Variants in RNF111 observed in about 807,000 individuals in gnomAD.
The protein encoded by RNF111 is E3 ubiquitin-protein ligase Arkadia.
A neutral mutation model predicts 95.1 loss-of-function variants in RNF111; 17 were observed. The observed-to-expected ratio is 0.18, with a 90% CI of 0.12 to 0.27. The LOEUF (loss-of-function observed/expected upper bound fraction) is 0.27, where lower values mean the gene tolerates loss of function less well. RNF111 is among the 10% of genes least tolerant of loss of function. The pLI is 1.00. For synonymous variants in RNF111, 440 were observed against 414.8 expected, an observed-to-expected ratio of 1.06 and a Z score of -0.74; for missense variants, 1,189 against 1,210.4, an observed-to-expected ratio of 0.98 and a Z score of 0.26.
chr15:59,026,196 G>A (rs546874414), intron 1 of RNF111, among the ~76,000 whole-genome samples: 1 of 152,220 alleles, frequency 6.6e-6, no homozygotes, highest in East Asian at 1.9e-4. Context: ...GAGTTGTATG[G>A]ATAGTCTTAA....
In RNF111 at chr15:59,079,633, T is replaced by G. The variant is rs548477002; in HGVS notation, c.1949-1303T>G. Among the ~76,000 whole-genome samples the G allele has an allele frequency of 3.8e-4, 57 of 151,408 alleles. 1 individual carries two copies. Among genetic ancestry groups the G allele is most frequent in the Non-Finnish European group, 6.3e-4 (43 of 67,928 alleles). On this transcript the variant is annotated intron_variant, in intron 7 of 13. Transcript: ENST00000348370. ...AGAACATCTTCCAATAAAATGAAAT[T>G]TGTATTGAAATCTAAGACAAACTTT...
chr15:59,041,961 A>ATTTTTTTTTTTTTT (rs79347638), intron 2 of RNF111, among the ~76,000 whole-genome samples: 2 of 100,104 alleles, frequency 2.0e-5, no homozygotes, highest in Admixed American at 1.0e-4. Context: ...GTCTGTTCAT[A>ATTTTTTTTTTTTTT]TTTTTTTTTT....
chr15:59,090,310 A>G (rs962807016), intron 11 of RNF111, among the ~76,000 whole-genome samples: 2 of 152,144 alleles, frequency 1.3e-5, no homozygotes, highest in Non-Finnish European at 1.5e-5. Flanking sequence ...GCTCACTGCA[A>G]CCTGCGCCTC....
intron 6 of RNF111, among the ~76,000 whole-genome samples, chr15:59,071,071 G>A (rs1338360027): frequency 6.6e-6 from 1 of 152,116 alleles, no homozygotes; most frequent in Non-Finnish European, 1.5e-5. Context: ...GCTGAGGCAG[G>A]CGGATCATGA....
intron 2 of RNF111, among the ~76,000 whole-genome samples, chr15:59,044,106 C>T (rs2041597308): frequency 6.6e-6 from 1 of 152,166 alleles, no homozygotes; most frequent in Non-Finnish European, 1.5e-5. Flanking sequence ...TCTCGGCTCA[C>T]TGCAACCCCC....
chr15:59,060,859 T>A (rs927540824), intron 5 of RNF111, among the ~76,000 whole-genome samples: 44 of 151,848 alleles, frequency 2.9e-4, no homozygotes, highest in African/African-American at 9.7e-4. Context: ...CTGTGTGCAG[T>A]GGCACAATCT....
chr15:58,994,063 A>G (rs1302827106), intron 1 of RNF111, among the ~76,000 whole-genome samples: 5 of 112,404 alleles, frequency 4.4e-5, no homozygotes, highest in Admixed American at 2.2e-4. Flanking sequence ...TTTTTAATGG[A>G]GTCTCACTCT....
In RNF111 at chr15:59,031,440, G is replaced by A. The variant is rs1456753351; in HGVS notation, c.618G>A (p.Ser206=). 6.2e-6 allele frequency: 10 copies of A among 1,614,096 alleles called. No homozygotes were observed. Among genetic ancestry groups the A allele is most frequent in the African/African-American group, 2.7e-5 (2 of 74,928 alleles). The change falls in exon 2 of 14, where the codon TCG becomes TCA. Residue 206 remains serine, a synonymous_variant. Transcript: ENST00000348370. ...LMKRPCLHGS[S]LRRLPCRKRF... is the part of the protein sequence containing the mutation. ...AAAGACCCTGTTTACATGGCAGTTCGTTACGGAGACTTCCATGCAGAAAGA... is the reference window on the plus strand; with the variant it reads ...AAAGACCCTGTTTACATGGCAGTTCATTACGGAGACTTCCATGCAGAAAGA...
At chr15:59,075,648 A>G (rs1325873747) in intron 6 of RNF111, among the ~76,000 whole-genome samples, 2 of 152,230 alleles carry the variant, frequency 1.3e-5, no homozygotes, top group African/African-American at 4.8e-5. Context: ...TGTATTTGTT[A>G]TAAGACAAAA....
At position 59,069,073 on chromosome 15, in the gene RNF111, CAAA is replaced by C. The variant is rs397853868; in HGVS notation, c.1686+2008_1686+2010del. Among the ~76,000 whole-genome samples the C allele has an allele frequency of 9.5e-3, 848 of 89,462 alleles. 5 individuals carry two copies. The highest frequency in any genetic ancestry group is 0.032 in the African/African-American group (770 of 23,868). The allele number at this position is 89,462 out of a possible 152,430, so 58.7% of individuals were successfully genotyped here. ...TTGGCGACAGAACAAGACTCCGTCT[CAAA>C]AAAAAAAAAAAAAAAAAGGAGTTGT... On this transcript the variant is annotated intron_variant, in intron 6 of 13. Coordinates refer to ENST00000348370, the MANE Select transcript of RNF111 (RefSeq NM_017610.8).
At chr15:59,025,699 TAG>T (rs2040566378) in intron 1 of RNF111, among the ~76,000 whole-genome samples, 1 of 152,096 alleles carries the variant, frequency 6.6e-6, no homozygotes, top group African/African-American at 2.4e-5. Flanking sequence ...AAAACTTTTG[TAG>T]AAAAATGCCA....
chr15:59,058,979 C>G (rs1295648815), intron 5 of RNF111, among the ~76,000 whole-genome samples: 1 of 152,136 alleles, frequency 6.6e-6, no homozygotes, highest in East Asian at 1.9e-4. Context: ...ACAAAGCACT[C>G]TTAAAACTGC....
chr15:59,051,206 C>G lies in RNF111; in HGVS notation c.881-1099C>G, dbSNP rs530803944. On this transcript the variant is annotated intron_variant, in intron 2 of 13. Coordinates refer to ENST00000348370, the MANE Select transcript of RNF111 (RefSeq NM_017610.8). ...CGGTGGCTCACGCCTGTAATCCCAG[C>G]ACTTTGGGAGGCTGAGGAGGGTGGA... Among the ~76,000 whole-genome samples the G allele has an allele frequency of 6.6e-5, 10 of 152,250 alleles. No individual in the cohort carries two copies. The South Asian group carries it at 2.1e-3, about 32-fold the overall frequency.
chr15:59,076,367 G>A (rs2078563157), intron 7 of RNF111, 152 bp downstream of exon 7: 1 of 844,422 alleles, frequency 1.2e-6, no homozygotes, highest in Non-Finnish European at 1.8e-6. Flanking sequence ...TTAGTATTAT[G>A]TAATTGAGGT....
At chr15:59,063,229 G>A (rs140900368) in intron 5 of RNF111, among the ~76,000 whole-genome samples, 3 of 152,284 alleles carry the variant, frequency 2.0e-5, no homozygotes, top group African/African-American at 7.2e-5. Flanking sequence ...GCATGTTTCT[G>A]GTTGCTAGAG....
At chr15:59,090,974 G>A (rs146293341) in intron 11 of RNF111, 85 bp from the exon 12 acceptor site, 4 of 804,532 alleles carry the variant, frequency 5.0e-6, no homozygotes, top group Admixed American at 4.5e-5. Context: ...TAAGTATGGA[G>A]GTTTATTTCT....
intron 2 of RNF111, chr15:59,050,342 GA>G (rs1224516573): frequency 6.6e-6 from 1 of 152,568 alleles, no homozygotes; most frequent in Non-Finnish European, 1.5e-5. Flanking sequence ...AAGCCCTAGA[GA>G]ACAAATTGGA....
At chr15:58,995,462 C>CT (rs1454310187) in intron 1 of RNF111, among the ~76,000 whole-genome samples, 26 of 108,274 alleles carry the variant, frequency 2.4e-4, no homozygotes, top group Non-Finnish European at 5.6e-4. Flanking sequence ...AACATAACCT[C>CT]TTGTTTTTTT....
chr15:59,083,836 A>G (rs1197233579), intron 8 of RNF111: 4 of 176,120 alleles, frequency 2.3e-5, no homozygotes, highest in Non-Finnish European at 4.7e-5. Flanking sequence ...TATTTAAAAT[A>G]TCACTTGTAA....
Sources: allele counts gnomAD v4.1 joint callset (sites outside exome capture counted in the v4.1 genomes callset), GRCh38; gene constraint gnomAD v4.1.1; transcripts MANE v1.5; gene names NCBI Gene and HGNC (gene_info 2026-07-23, HGNC 2026-07-21).